TJP1: variants seen among roughly 807,000 people sequenced by gnomAD.
TJP1 encodes tight junction protein ZO-1.
In TJP1, 43 loss-of-function variants were observed where a neutral mutation model predicts 194.2. The observed-to-expected ratio is 0.22, with a 90% CI of 0.17 to 0.29. The LOEUF (loss-of-function observed/expected upper bound fraction) is 0.29. Ranked by LOEUF, TJP1 falls within the 10% of genes least tolerant of loss-of-function variation. The pLI, the probability that TJP1 is intolerant of heterozygous loss-of-function variation, is 1.00. For synonymous variants in TJP1, 801 were observed against 779.0 expected (o/e 1.03, Z -0.47); for missense variants, 1,971 against 2,185.7 (o/e 0.90, Z 1.96).
chr15:29,737,172 C>T, intron 11 of TJP1, 92 bp downstream of exon 11: 1 of 1,468,298 alleles, frequency 6.8e-7, no homozygotes, highest in Non-Finnish European at 9.3e-7. Flanking sequence ...TTACAGATTA[C>T]AATCTAATTA....
At chr15:29,848,887 C>A (rs1469214396) in intron 2 of TJP1, among the ~76,000 whole-genome samples, 1 of 151,800 alleles carries the variant, frequency 6.6e-6, no homozygotes, top group African/African-American at 2.4e-5. Flanking sequence ...ACTATTATCC[C>A]AACATATTAT....
intron 2 of TJP1, among the ~76,000 whole-genome samples, chr15:29,879,690 G>A (rs937560225): frequency 2.0e-5 from 3 of 149,816 alleles, no homozygotes; most frequent in African/African-American, 5.0e-5. Flanking sequence ...GTGCACTTTC[G>A]CATATAGCTT....
At position 29,877,623 on chromosome 15, in the gene TJP1, CCTT is replaced by C. The variant is rs202008041; in HGVS notation, c.307-76924_307-76922del. ...CCTTCCTTCCTTCCCTCCTCCTCCT[CCTT>C]CTTCTTTCTTCTTCTCTTTCTTTCT... On this transcript the variant is annotated intron_variant, in intron 2 of 28. Coordinates refer to the TJP1 transcript ENST00000356107. 9.9e-3 allele frequency among the ~76,000 whole-genome samples: 1,501 copies of C among 150,860 alleles called. 17 individuals are homozygous for C. Among genetic ancestry groups the C allele is most frequent in the Non-Finnish European group, 0.015 (1,021 of 67,650 alleles).
Position 29,718,060 on chromosome 15 carries a change from G to C in TJP1, c.3935C>G (p.Ser1312Cys). The C allele has an allele frequency of 6.2e-7, 1 of 1,611,712 alleles. No homozygotes were observed. Among genetic ancestry groups the C allele is most frequent in the South Asian group, 1.1e-5 (1 of 90,942 alleles). ...GTCATGTTCACTGAATTGATTCTGAGAAGTGGGTTTGGGACCAATGATGGG... is the reference window on the plus strand; with the variant it reads ...GTCATGTTCACTGAATTGATTCTGACAAGTGGGTTTGGGACCAATGATGGG... ...GAPIIGPKPT[S>C]QNQFSEHDKT... The change falls in exon 22 of 28, where the codon TCT becomes TGT. Residue 1312 changes from serine to cysteine, a missense_variant. This residue lies in a region of TJP1 where 1,108 missense variants were observed against 1,128.5 expected (regional missense o/e 0.98). Transcript: ENST00000614355.
At chr15:29,840,370 T>C (rs1423732497) in intron 2 of TJP1, among the ~76,000 whole-genome samples, 1 of 152,196 alleles carries the variant, frequency 6.6e-6, no homozygotes, top group Admixed American at 6.5e-5. Context: ...CACATGTAAG[T>C]TTGTCCATCA....
intron 2 of TJP1, among the ~76,000 whole-genome samples, chr15:29,788,109 T>A (rs941734879): frequency 3.9e-5 from 6 of 152,238 alleles, no homozygotes; most frequent in African/African-American, 1.4e-4. Flanking sequence ...TTCATACATC[T>A]TCTTTGAGGA....
rs762188028 is a variant in TJP1 at position 29,737,333 on chromosome 15, A to G, written c.1338T>C (p.Phe446=). Residue 446 remains phenylalanine, a synonymous_variant, in exon 11 of 28, where the codon TTT becomes TTC. Coordinates refer to ENST00000614355, the MANE Select transcript of TJP1 (RefSeq NM_001330239.4). ...GGCTATCTTCTAGAACGCCAGCTACAAATATTCCAACATCATTTCCACCAG... is the reference window on the plus strand; with the variant it reads ...GGCTATCTTCTAGAACGCCAGCTACGAATATTCCAACATCATTTCCACCAG... The part of the protein sequence containing the change: ...RLAGGNDVGI[F]VAGVLEDSPA... 1 of 1,614,198 alleles carries G rather than the reference A, an allele frequency of 6.2e-7. No homozygotes were observed. Among genetic ancestry groups the G allele is most frequent in the Non-Finnish European group, 8.5e-7 (1 of 1,180,036 alleles).
intron 2 of TJP1, among the ~76,000 whole-genome samples, chr15:29,886,825 G>T (rs568004662): frequency 1.3e-5 from 2 of 151,758 alleles, no homozygotes; most frequent in South Asian, 4.2e-4. Flanking sequence ...CATGTCATGG[G>T]CTCGGTGGTA....
chr15:29,950,292 C>A (rs1596315681), intron 2 of TJP1, among the ~76,000 whole-genome samples: 2 of 151,142 alleles, frequency 1.3e-5, no homozygotes, highest in Non-Finnish European at 3.0e-5. Context: ...ACCTTCACCA[C>A]CGCTACCTCC....
At position 29,700,602 on chromosome 15, in the gene TJP1, A is replaced by C. The variant is rs2041479872; in HGVS notation, c.*993T>G. ...GTATAAAAAAGGTAAAGTTTATAAA[A>C]GTTAATTTACAAACCAAGAACAAAA... On this transcript the variant is annotated 3_prime_UTR_variant, in exon 28 of 28. Transcript: ENST00000614355. 2 of 395,394 alleles carry C rather than the reference A, an allele frequency of 5.1e-6. No individual in the cohort carries two copies. Among genetic ancestry groups the C allele is most frequent in the Non-Finnish European group, 8.9e-6 (2 of 224,446 alleles). The allele number at this position is 395,394 out of a possible 1,614,324, so 24.5% of individuals were successfully genotyped here. A position where few individuals can be genotyped will look rare whatever the true frequency, so the allele number is the denominator to read the frequency against.
At chr15:29,779,933 C>G (rs2047251497) in intron 2 of TJP1, among the ~76,000 whole-genome samples, 1 of 151,130 alleles carries the variant, frequency 6.6e-6, no homozygotes, top group African/African-American at 2.4e-5. Context: ...GTGAACGAAG[C>G]CATATTCTAA....
At chr15:29,739,656 A>T (rs2044265674) in intron 10 of TJP1, among the ~76,000 whole-genome samples, 1 of 152,038 alleles carries the variant, frequency 6.6e-6, no homozygotes, top group African/African-American at 2.4e-5. Flanking sequence ...GTGTTCAGCC[A>T]GGATGGTCTC....
At chr15:29,724,270 G>T (rs1448966773) in intron 18 of TJP1, among the ~76,000 whole-genome samples, 1 of 152,214 alleles carries the variant, frequency 6.6e-6, no homozygotes, top group Admixed American at 6.5e-5. Flanking sequence ...CTGGGCTGGG[G>T]AGAGTGGGAA....
At chr15:29,906,231 G>A (rs1297868360) in intron 2 of TJP1, among the ~76,000 whole-genome samples, 1 of 152,064 alleles carries the variant, frequency 6.6e-6, no homozygotes, top group Non-Finnish European at 1.5e-5. Context: ...CCAGCACTTT[G>A]GGAGGCCGAG....
intron 18 of TJP1, among the ~76,000 whole-genome samples, chr15:29,724,807 TAATA>T (rs1422895188): frequency 6.6e-6 from 1 of 152,258 alleles, no homozygotes; most frequent in Non-Finnish European, 1.5e-5. Context: ...TCTAGCCTGA[TAATA>T]AATAACCTAT....
chr15:29,965,186 C>CATTTATTTATTTATTTATTT (rs58512547), intron 1 of TJP1, among the ~76,000 whole-genome samples: 1 of 148,290 alleles, frequency 6.7e-6, no homozygotes, highest in Non-Finnish European at 1.5e-5. Flanking sequence ...TACATCCTCA[C>CATTTATTTATTTATTTATTT]ATTTATTTAT....
intron 2 of TJP1, among the ~76,000 whole-genome samples, chr15:29,918,412 A>G (rs1322571744): frequency 6.6e-6 from 1 of 152,196 alleles, no homozygotes; most frequent in Non-Finnish European, 1.5e-5. Context: ...AGAAACCAAA[A>G]TAAATAAGGA....
chr15:29,941,049 G>A (rs143476825), intron 2 of TJP1, among the ~76,000 whole-genome samples: 2 of 152,232 alleles, frequency 1.3e-5, no homozygotes, highest in Non-Finnish European at 2.9e-5. Context: ...AAGCACTGAT[G>A]TCTCTCTGTT....
At position 29,716,717 on chromosome 15, in the gene TJP1, T is replaced by G; in HGVS notation, c.4096A>C (p.Ser1366Arg). 3 of 1,614,180 alleles carry G rather than the reference T, an allele frequency of 1.9e-6. No individual in the cohort carries two copies. The highest frequency in any genetic ancestry group is 2.5e-6 in the Non-Finnish European group (3 of 1,180,028). Residue 1366 changes from serine (S) to arginine (R), a missense_variant, in exon 23 of 28, where the codon AGT becomes CGT. Physicochemically the swap from Ser to Arg is moderately radical, Grantham distance 110. Around this residue, in one of 5 missense-constraint regions of TJP1, gnomAD observed 1,108 missense variants for 1,128.5 expected, o/e 0.98. Coordinates refer to ENST00000614355, the MANE Select transcript of TJP1 (RefSeq NM_001330239.4). The part of the protein sequence containing the change: ...RKQLSYFDRR[S>R]FENKPPAHIA... ...TGTGCAGGAGGCTTATTCTCAAAAC[T>G]TCTTCGGTCAAAGTATGACAGCTGT...
Sources: gnomAD v4.1 joint callset for allele counts (sites outside exome capture counted in the v4.1 genomes callset) on GRCh38, gnomAD v4.1.1 for gene constraint, gnomAD v4.1.1 regional missense constraint, MANE v1.5 for transcripts, NCBI Gene and HGNC (gene_info 2026-07-23, HGNC 2026-07-21) for gene names.